The following CSMD1 variants were observed in gnomAD, a reference collection of about 807,000 sequenced individuals.
The protein encoded by CSMD1 is CUB and Sushi multiple domains 1, also known as CUB and sushi domain-containing protein 1.
CSMD1 carries 213 observed loss-of-function variants against 417.5 expected under a neutral mutation model. The ratio of observed to expected loss-of-function variants is 0.51; its 90% CI spans 0.46 to 0.57. CSMD1 has a LOEUF of 0.57. Among genes scored for constraint, CSMD1 ranks in the 20% least tolerant of loss-of-function variants. The probability of loss-of-function intolerance (pLI) is 0.00; values close to 1 mark genes in which losing one functional copy is unlikely to be tolerated. For missense variants in CSMD1, 6,923 were observed against 4,529.7 expected, an observed-to-expected ratio of 1.53 and a Z score of -15.17; for synonymous variants, 2,862 against 1,736.8, an observed-to-expected ratio of 1.65 and a Z score of -16.11.
intron 12 of CSMD1, among the ~76,000 whole-genome samples, chr8:3,449,260 T>C (rs1815529753): frequency 6.6e-6 from 1 of 152,190 alleles, no homozygotes; most frequent in East Asian, 1.9e-4. Context: ...ACAGGCTTAT[T>C]CTGAAAAATA....
intron 11 of CSMD1, among the ~76,000 whole-genome samples, chr8:3,486,726 T>C (rs553392347): frequency 1.8e-4 from 28 of 152,318 alleles, no homozygotes; most frequent in Non-Finnish European, 4.0e-4. Flanking sequence ...TGTAGGAAGG[T>C]TGCCCTCAAG....
intron 3 of CSMD1, among the ~76,000 whole-genome samples, chr8:4,087,220 C>A (rs995982141): frequency 2.0e-5 from 3 of 152,158 alleles, no homozygotes; most frequent in African/African-American, 7.2e-5. Context: ...GCTCTGAGCT[C>A]CCAAGGAACG....
intron 1 of CSMD1, among the ~76,000 whole-genome samples, chr8:4,655,492 T>C (rs1455373775): frequency 6.6e-6 from 1 of 152,176 alleles, no homozygotes; most frequent in Non-Finnish European, 1.5e-5. Context: ...AAGTAAAATC[T>C]ATGATGATCA....
chr8:3,619,682 G>A (rs1254932354), intron 7 of CSMD1, among the ~76,000 whole-genome samples: 1 of 151,128 alleles, frequency 6.6e-6, no homozygotes, highest in Non-Finnish European at 1.5e-5. Flanking sequence ...AAGAAAAAGA[G>A]AGAATCTTAA....
At chr8:4,121,976 T>A (rs980939031) in intron 3 of CSMD1, among the ~76,000 whole-genome samples, 1 of 152,060 alleles carries the variant, frequency 6.6e-6, no homozygotes, top group Non-Finnish European at 1.5e-5. Context: ...AATGCTTATG[T>A]ATAGATTTAC....
Position 4,023,260 on chromosome 8 carries a change from A to G in CSMD1, c.610+8645T>C, listed in dbSNP as rs1048233576. On this transcript the variant is annotated intron_variant, in intron 4 of 69. Transcript: ENST00000635120. Reference sequence around the variant, plus strand: ...CTCCAAATCACCGCTGCGCATAAAAACATCTGAACCAACTACCCATCATTG... The same window carrying G: ...CTCCAAATCACCGCTGCGCATAAAAGCATCTGAACCAACTACCCATCATTG... Among the ~76,000 whole-genome samples the G allele has an allele frequency of 2.0e-5, 3 of 152,296 alleles. No individual in the cohort carries two copies. In the East Asian group the frequency reaches 5.8e-4, roughly 29 times the overall value.
intron 1 of CSMD1, among the ~76,000 whole-genome samples, chr8:4,903,762 G>A (rs1805055039): frequency 6.6e-6 from 1 of 152,178 alleles, no homozygotes; most frequent in African/African-American, 2.4e-5. Flanking sequence ...AAGGTGAGAG[G>A]AGAAGGACCT....
chr8:3,332,101 G>A (rs568088489), intron 23 of CSMD1, among the ~76,000 whole-genome samples: 8 of 152,312 alleles, frequency 5.3e-5, no homozygotes, highest in African/African-American at 9.6e-5. Context: ...TGATAGATAC[G>A]TAGGGATAGA....
chr8:4,800,119 T>G (rs2117277407), intron 1 of CSMD1, among the ~76,000 whole-genome samples: 1 of 152,316 alleles, frequency 6.6e-6, no homozygotes, highest in African/African-American at 2.4e-5. Context: ...TCCTTTTTGT[T>G]TCCTATATAA....
chr8:4,173,307 G>A (rs1009347403), intron 3 of CSMD1, among the ~76,000 whole-genome samples: 9 of 152,164 alleles, frequency 5.9e-5, no homozygotes, highest in Non-Finnish European at 1.0e-4. Context: ...AATTGAAGTG[G>A]GAAATTTGTG....
rs575636500 is a variant in CSMD1, at chr8:4,324,535, T to C, written c.415+95418A>G. On this transcript the variant is annotated intron_variant, in intron 3 of 69. Coordinates refer to ENST00000635120, the MANE Select transcript of CSMD1 (RefSeq NM_033225.6). ...AGGGTTCTTCTCCACCCCCAGGAGGTGCATTCTGGTGGCCAATGCCAGGGA... is the reference window on the plus strand; with the variant it reads ...AGGGTTCTTCTCCACCCCCAGGAGGCGCATTCTGGTGGCCAATGCCAGGGA... Among the ~76,000 whole-genome samples, 8 of 152,258 alleles carry C rather than the reference T, an allele frequency of 5.3e-5. No individual in the cohort carries two copies. In the South Asian group the frequency reaches 1.7e-3, roughly 32 times the overall value.
At chr8:3,595,813 C>T (rs773279117) in intron 8 of CSMD1, among the ~76,000 whole-genome samples, 1 of 152,192 alleles carries the variant, frequency 6.6e-6, no homozygotes, top group Non-Finnish European at 1.5e-5. Context: ...TCCTCACGTT[C>T]ACCCACCTAT....
chr8:3,547,668 C>CCGAACAG (rs1798731988), intron 10 of CSMD1, among the ~76,000 whole-genome samples: 1 of 152,042 alleles, frequency 6.6e-6, no homozygotes. Flanking sequence ...TTTAAATATA[C>CCGAACAG]TACAACCTTT....
At chr8:4,480,021 A>G (rs566674249) in intron 2 of CSMD1, among the ~76,000 whole-genome samples, 1 of 152,048 alleles carries the variant, frequency 6.6e-6, no homozygotes, top group South Asian at 2.1e-4. Context: ...TAAAGCAAAC[A>G]TACTTATCCT....
At position 4,841,738 on chromosome 8, in the gene CSMD1, C is replaced by G. The variant is rs556578298; in HGVS notation, c.85+152594G>C. Among the ~76,000 whole-genome samples, 15 of 151,722 alleles carry G rather than the reference C, an allele frequency of 9.9e-5. No individual in the cohort carries two copies. In the South Asian group the frequency reaches 2.1e-3, roughly 21 times the overall value. Reference sequence around the variant, plus strand: ...CAAGCCTGACCAACATGGTGAAACCCTGTCTCTACTAAAAATACAAAAATT... The same window carrying G: ...CAAGCCTGACCAACATGGTGAAACCGTGTCTCTACTAAAAATACAAAAATT... On this transcript the variant is annotated intron_variant, in intron 1 of 69. Transcript: ENST00000635120.
At chr8:4,464,098 A>T (rs987968169) in intron 2 of CSMD1, among the ~76,000 whole-genome samples, 2 of 152,184 alleles carry the variant, frequency 1.3e-5, no homozygotes, top group Admixed American at 1.3e-4. Context: ...CAGTTTTCTA[A>T]AAGAATGAGA....
At chr8:3,788,807 C>A (rs534850938) in intron 5 of CSMD1, among the ~76,000 whole-genome samples, 4 of 152,104 alleles carry the variant, frequency 2.6e-5, no homozygotes, top group Non-Finnish European at 5.9e-5. Flanking sequence ...ACAGGACAGA[C>A]GCATTTATGT....
chr8:4,638,831 C>A (rs1285958670), intron 1 of CSMD1, among the ~76,000 whole-genome samples: 2 of 152,188 alleles, frequency 1.3e-5, no homozygotes, highest in African/African-American at 4.8e-5. Context: ...CTTGAAGCCA[C>A]TGAGCAGTGT....
At chr8:3,561,840 G>C (rs13261884) in intron 10 of CSMD1, among the ~76,000 whole-genome samples, 1 of 152,176 alleles carries the variant, frequency 6.6e-6, no homozygotes, top group African/African-American at 2.4e-5. Context: ...ACTGAGGAAG[G>C]AGAAATGTAT....
Sources: allele counts gnomAD v4.1 joint callset (sites outside exome capture counted in the v4.1 genomes callset), GRCh38; gene constraint gnomAD v4.1.1; transcripts MANE v1.5; gene names NCBI Gene and HGNC (gene_info 2026-07-23, HGNC 2026-07-21).